Variants in XPNPEP3 observed in about 807,000 individuals in gnomAD.
XPNPEP3 encodes xaa-Pro aminopeptidase 3.
A neutral mutation model predicts 60.0 loss-of-function variants in XPNPEP3; 41 were observed. That is an observed-to-expected ratio of 0.68 (90% CI 0.53 to 0.89). XPNPEP3 has a LOEUF of 0.89. XPNPEP3 is among the 40% of genes least tolerant of loss of function. The pLI is 0.00. For missense variants in XPNPEP3, 598 were observed against 638.9 expected, an observed-to-expected ratio of 0.94 and a Z score of 0.69; for synonymous variants, 212 against 223.2, an observed-to-expected ratio of 0.95 and a Z score of 0.45.
chr22:40,862,225 T>C, intron 1 of XPNPEP3: 2 of 1,305,934 alleles, frequency 1.5e-6, no homozygotes, highest in African/African-American at 3.0e-5. Flanking sequence ...GGGGTCAGTG[T>C]AGGGACTGGA....
At chr22:40,858,925 T>A (rs1321598766) in intron 1 of XPNPEP3, among the ~76,000 whole-genome samples, 2 of 152,210 alleles carry the variant, frequency 1.3e-5, no homozygotes, top group African/African-American at 4.8e-5. Context: ...ATGCTGCCTT[T>A]CATAATGTAC....
chr22:40,861,810 C>T lies in XPNPEP3; in HGVS notation c.64+4565C>T, dbSNP rs776254830. ...TGTGCCATATTTATCATAAATGTCCCGTTTCTCATCATTTGATAATACCTC... is the reference window on the plus strand; with the variant it reads ...TGTGCCATATTTATCATAAATGTCCTGTTTCTCATCATTTGATAATACCTC... On this transcript the variant is annotated intron_variant, in intron 1 of 9. Transcript: ENST00000357137. 26 of 1,612,486 alleles carry T rather than the reference C, an allele frequency of 1.6e-5. No homozygotes were observed. Among genetic ancestry groups the T allele is most frequent in the African/African-American group, 2.7e-5 (2 of 74,740 alleles).
rs73885709 is a variant in XPNPEP3, at chr22:40,881,895, C to A, written c.307C>A (p.Pro103Thr). 4 of 1,614,104 alleles carry A rather than the reference C, an allele frequency of 2.5e-6. No individual in the cohort carries two copies. The highest frequency in any genetic ancestry group is 2.7e-5 in the African/African-American group (2 of 75,006). Residue 103 changes from proline (P) to threonine (T), a missense_variant, in exon 3 of 10, where the codon CCT becomes ACT. Pro to Thr is a conservative substitution (Grantham distance 38, BLOSUM62 -1). Coordinates refer to ENST00000357137, the MANE Select transcript of XPNPEP3 (RefSeq NM_022098.4). ...CCAGACAGTGGTTGTGCTCTCCAACCCTACATACTACATGAGCAACGATAT... is the reference window on the plus strand; with the variant it reads ...CCAGACAGTGGTTGTGCTCTCCAACACTACATACTACATGAGCAACGATAT... ...TDQTVVVLSN[P>T]TYYMSNDIPY...
intron 7 of XPNPEP3, among the ~76,000 whole-genome samples, chr22:40,918,245 A>G (rs2060191492): frequency 6.6e-6 from 1 of 151,990 alleles, no homozygotes; most frequent in African/African-American, 2.4e-5. Context: ...ATGGTGGCGC[A>G]CACCTGTAAT....
chr22:40,893,865 C>T (rs1569023981), intron 4 of XPNPEP3, among the ~76,000 whole-genome samples: 1 of 152,198 alleles, frequency 6.6e-6, no homozygotes, highest in South Asian at 2.1e-4. Context: ...ATCTGCCCAC[C>T]TCGGCCTCCC....
At chr22:40,862,456 T>C (rs1386744673) in intron 1 of XPNPEP3, 1 of 986,684 alleles carries the variant, frequency 1.0e-6, no homozygotes, top group Non-Finnish European at 1.2e-6. Context: ...AATGAAGTAC[T>C]GACTTACGGG....
chr22:40,919,526 G>C (rs144018160), intron 7 of XPNPEP3, among the ~76,000 whole-genome samples: 4 of 152,122 alleles, frequency 2.6e-5, no homozygotes, highest in Non-Finnish European at 4.4e-5. Context: ...CACCATGCCT[G>C]GCTAATATTT....
rs200801188 is a variant in XPNPEP3, at chr22:40,861,973, G to T, written c.64+4728G>T. On this transcript the variant is annotated intron_variant, in intron 1 of 9. Transcript: ENST00000357137. ...GGTGAAGCATATCTTTGCAGTCCTA[G>T]AACTTCATAGTAATCCACCATGTTT... 29 of 1,601,198 alleles carry T rather than the reference G, an allele frequency of 1.8e-5. No individual in the cohort carries two copies. The African/African-American group carries it at 2.6e-4, about 14-fold the overall frequency.
intron 8 of XPNPEP3, 147 bp from the exon 9 acceptor site, chr22:40,924,215 C>T: frequency 8.9e-7 from 1 of 1,120,934 alleles, no homozygotes. Context: ...TTTCAGGTGC[C>T]TTTAAGTATT....
At chr22:40,911,805 G>A (rs568401764) in intron 6 of XPNPEP3, among the ~76,000 whole-genome samples, 4 of 152,256 alleles carry the variant, frequency 2.6e-5, no homozygotes, top group Middle Eastern at 3.4e-3. Context: ...CTCCCAAAGC[G>A]CTGGGATTAC....
chr22:40,908,202 G>C (rs1423683271), intron 5 of XPNPEP3, among the ~76,000 whole-genome samples: 3 of 151,236 alleles, frequency 2.0e-5, no homozygotes, highest in Admixed American at 1.3e-4. Flanking sequence ...CTGGGCAACA[G>C]AGCAAGACTG....
chr22:40,905,379 C>G (rs1473440647), intron 4 of XPNPEP3, among the ~76,000 whole-genome samples: 1 of 151,996 alleles, frequency 6.6e-6, no homozygotes, highest in Non-Finnish European at 1.5e-5. Context: ...ACACCCGGCC[C>G]CTTTAATTGA....
chr22:40,861,814 T>G (rs1312698543), intron 1 of XPNPEP3: 18 of 1,612,410 alleles, frequency 1.1e-5, no homozygotes, highest in Non-Finnish European at 1.4e-5. Context: ...ATGTCCCGTT[T>G]CTCATCATTT....
intron 4 of XPNPEP3, among the ~76,000 whole-genome samples, chr22:40,894,841 G>C (rs1267404439): frequency 1.3e-5 from 2 of 152,148 alleles, no homozygotes; most frequent in African/African-American, 4.8e-5. Flanking sequence ...CCAAAGAGCA[G>C]CTCCTCACAT....
chr22:40,907,506 T>G, intron 4 of XPNPEP3, 81 bp from the exon 5 acceptor site: 1 of 1,406,406 alleles, frequency 7.1e-7, no homozygotes, highest in Non-Finnish European at 1.0e-6. Flanking sequence ...GTGCTTTTCA[T>G]TTGAGCTCCA....
intron 1 of XPNPEP3, among the ~76,000 whole-genome samples, chr22:40,868,356 T>G: frequency 6.6e-6 from 1 of 152,170 alleles, no homozygotes; most frequent in Admixed American, 6.5e-5. Flanking sequence ...TGTGATATCC[T>G]TCCCCTGCCT....
At chr22:40,914,144 GAAA>G (rs35631136) in intron 6 of XPNPEP3, 92 bp from the exon 7 acceptor site, 1,236 of 828,792 alleles carry the variant, frequency 1.5e-3, no homozygotes, top group Middle Eastern at 1.9e-3. Flanking sequence ...CTCCGTCTCA[GAAA>G]AAAAAAAAAA....
rs1044537913 is a variant in XPNPEP3 at position 40,899,772 on chromosome 22, T to A, written c.793-7815T>A. ...AGGTGGAGGTTGCAGTGAGCGGAGA[T>A]CACGCTACTGCACTCCAGCCTGGTG... On this transcript the variant is annotated intron_variant, in intron 4 of 9. Transcript: ENST00000357137. Among the ~76,000 whole-genome samples the A allele has an allele frequency of 2.9e-4, 39 of 136,384 alleles. 1 individual carries two copies. Among genetic ancestry groups the A allele is most frequent in the Middle Eastern group, 4.6e-3 (1 of 218 alleles). The allele number at this position is 136,384 out of a possible 152,430, so 89.5% of individuals were successfully genotyped here.
intron 8 of XPNPEP3, among the ~76,000 whole-genome samples, chr22:40,924,046 T>C (rs2058225958): frequency 6.6e-6 from 1 of 152,186 alleles, no homozygotes; most frequent in Non-Finnish European, 1.5e-5. Context: ...CTTTTATTTT[T>C]ATCTTTCCTG....
Sources: allele counts gnomAD v4.1 joint callset (sites outside exome capture counted in the v4.1 genomes callset), GRCh38; gene constraint gnomAD v4.1.1; transcripts MANE v1.5; gene names NCBI Gene and HGNC (gene_info 2026-07-23, HGNC 2026-07-21).